The following NAV3 variants were observed in gnomAD, a reference collection of about 807,000 sequenced individuals.
NAV3 encodes the protein neuron navigator 3.
NAV3 carries 87 observed loss-of-function variants against 244.7 expected under a neutral mutation model. The ratio of observed to expected loss-of-function variants is 0.36; its 90% CI spans 0.30 to 0.42. The LOEUF is 0.42. NAV3 is among the 20% of genes least tolerant of loss of function. The probability of loss-of-function intolerance (pLI) is 1.00; values close to 1 mark genes in which losing one functional copy is unlikely to be tolerated. For missense variants in NAV3, 2,663 were observed against 2,893.3 expected, an observed-to-expected ratio of 0.92 and a Z score of 1.83; for synonymous variants, 1,126 against 1,042.2, an observed-to-expected ratio of 1.08 and a Z score of -1.55.
intron 24 of NAV3, among the ~76,000 whole-genome samples, chr12:78,169,721 A>C (rs1407942614): frequency 6.6e-6 from 1 of 151,508 alleles, no homozygotes; most frequent in South Asian, 2.1e-4. Context: ...TTTTCCCTCC[A>C]CTCCACCAAA....
chr12:77,879,685 C>CAAAAAAAAAAAAA (rs72076222), intron 1 of NAV3, among the ~76,000 whole-genome samples: 4 of 85,092 alleles, frequency 4.7e-5, no homozygotes, highest in Non-Finnish European at 6.6e-5. Context: ...AACTCCATCT[C>CAAAAAAAAAAAAA]AAAAAAAAAA....
At chr12:77,898,573 G>A (rs964891489) in intron 1 of NAV3, among the ~76,000 whole-genome samples, 3 of 152,190 alleles carry the variant, frequency 2.0e-5, no homozygotes, top group Non-Finnish European at 4.4e-5. Context: ...TTTAGGCAAA[G>A]TATGTGATCA....
intron 34 of NAV3, among the ~76,000 whole-genome samples, chr12:78,192,784 AT>A (rs954564201): frequency 2.9e-4 from 44 of 152,226 alleles, no homozygotes; most frequent in African/African-American, 1.0e-3. Flanking sequence ...AAAAATATTT[AT>A]TTTTTATGTT....
At chr12:78,146,004 C>A (rs1956848109) in intron 20 of NAV3, among the ~76,000 whole-genome samples, 1 of 152,028 alleles carries the variant, frequency 6.6e-6, no homozygotes, top group African/African-American at 2.4e-5. Context: ...ATGAAAGATA[C>A]TTCAATATTT....
chr12:77,705,849 A>AT (rs1023313607), intron 2 of NAV3, among the ~76,000 whole-genome samples: 3 of 151,060 alleles, frequency 2.0e-5, no homozygotes, highest in Non-Finnish European at 2.9e-5. Context: ...ATTACAGGTG[A>AT]TTTTTTTTCT....
rs760034299 is a variant in NAV3 at position 78,177,204 on chromosome 12, T to C, written c.5188T>C (p.Ser1730Pro). The change falls in exon 27 of 40, where the codon TCT (serine) becomes CCT (proline). Residue 1730 changes from serine (S) to proline (P), a missense_variant. Physicochemically the swap from Ser to Pro is moderately conservative, Grantham distance 74 (BLOSUM62 -1). This residue lies in a region of NAV3 where 193 missense variants were observed against 200.7 expected (regional missense o/e 0.96). Transcript: ENST00000397909. ...KKSTKPPSSH[S>P]DIEELTDSSL... is the part of the protein sequence containing the mutation. ...GTCCACCAAGCCTCCTTCATCACATTCTGACATTGAAGAGCTTACTGATTC... is the reference window on the plus strand; with the variant it reads ...GTCCACCAAGCCTCCTTCATCACATCCTGACATTGAAGAGCTTACTGATTC... The C allele has an allele frequency of 8.7e-6, 14 of 1,613,502 alleles. No homozygotes were observed. The highest frequency in any genetic ancestry group is 1.2e-5 in the Non-Finnish European group (14 of 1,179,610).
chr12:78,151,341 C>T (rs758328495), intron 22 of NAV3, among the ~76,000 whole-genome samples: 4 of 152,002 alleles, frequency 2.6e-5, no homozygotes, highest in Non-Finnish European at 4.4e-5. Flanking sequence ...CTGTACATAG[C>T]AGCTTTATTT....
intron 7 of NAV3, among the ~76,000 whole-genome samples, chr12:78,001,943 G>A (rs1452431442): frequency 6.6e-6 from 1 of 152,170 alleles, no homozygotes; most frequent in Non-Finnish European, 1.5e-5. Flanking sequence ...TCTGACACCA[G>A]CATTTGTCAA....
chr12:77,872,370 A>T (rs894962801), intron 1 of NAV3, among the ~76,000 whole-genome samples: 1 of 152,120 alleles, frequency 6.6e-6, no homozygotes, highest in Non-Finnish European at 1.5e-5. Flanking sequence ...ATGTCATCTA[A>T]CTCCACTTGA....
At chr12:77,715,595 A>G (rs1008145831) in intron 2 of NAV3, among the ~76,000 whole-genome samples, 1 of 152,048 alleles carries the variant, frequency 6.6e-6, no homozygotes, top group Admixed American at 6.6e-5. Flanking sequence ...AGTGAAATGA[A>G]ATATATAATT....
intron 5 of NAV3, 105 bp from the exon 6 acceptor site, chr12:77,994,698 G>A: frequency 2.4e-6 from 2 of 822,460 alleles, no homozygotes; most frequent in South Asian, 1.6e-5. Context: ...GTTTATACGT[G>A]TTCCAATTGC....
At chr12:77,941,969 AT>A (rs1463878280) in intron 3 of NAV3, among the ~76,000 whole-genome samples, 2 of 152,224 alleles carry the variant, frequency 1.3e-5, no homozygotes, top group Non-Finnish European at 2.9e-5. Context: ...GAATAAAAAA[AT>A]CTATGAACTT....
intron 9 of NAV3, among the ~76,000 whole-genome samples, chr12:78,031,080 T>C (rs1878900972): frequency 2.0e-5 from 3 of 152,194 alleles, no homozygotes; most frequent in African/African-American, 7.2e-5. Flanking sequence ...GTGGCCTTCA[T>C]GATACAGAAT....
At chr12:77,732,589 A>C (rs1877171054) in intron 2 of NAV3, among the ~76,000 whole-genome samples, 1 of 152,020 alleles carries the variant, frequency 6.6e-6, no homozygotes, top group African/African-American at 2.4e-5. Context: ...CCCTAATTTA[A>C]TTGTGAAATA....
At chr12:78,006,317 G>A in intron 7 of NAV3, 102 bp from the exon 8 acceptor site, 2 of 1,052,458 alleles carry the variant, frequency 1.9e-6, no homozygotes, top group Non-Finnish European at 2.7e-6. Context: ...GTTCAGAGGA[G>A]AGAGACTTCT....
chr12:77,870,194 G>T (rs928030241), intron 1 of NAV3, among the ~76,000 whole-genome samples: 1 of 151,740 alleles, frequency 6.6e-6, no homozygotes, highest in Non-Finnish European at 1.5e-5. Flanking sequence ...GTGAAACCCC[G>T]TCTCAACTAA....
chr12:77,748,557 G>T (rs116555740), intron 2 of NAV3, among the ~76,000 whole-genome samples: 272 of 152,250 alleles, frequency 1.8e-3, no homozygotes, highest in African/African-American at 5.7e-3. Context: ...ATATTATTCA[G>T]CCATGAATAA....
At chr12:78,095,629 A>G (rs1443921188) in intron 12 of NAV3, among the ~76,000 whole-genome samples, 1 of 152,184 alleles carries the variant, frequency 6.6e-6, no homozygotes, top group Non-Finnish European at 1.5e-5. Flanking sequence ...GCAATACTCT[A>G]CTGGGAAATG....
At chr12:78,196,797 C>A (rs562452157) in intron 34 of NAV3, among the ~76,000 whole-genome samples, 2 of 151,954 alleles carry the variant, frequency 1.3e-5, no homozygotes, top group African/African-American at 4.8e-5. Flanking sequence ...ATTAGTGGAA[C>A]CTGAGAAATG....
Sources: gnomAD v4.1 joint callset for allele counts (sites outside exome capture counted in the v4.1 genomes callset) on GRCh38, gnomAD v4.1.1 for gene constraint, gnomAD v4.1.1 regional missense constraint, MANE v1.5 for transcripts, NCBI Gene and HGNC (gene_info 2026-07-23, HGNC 2026-07-21) for gene names.